Variants in SUMF1 observed in about 807,000 individuals in gnomAD.
SUMF1 encodes sulfatase modifying factor 1.
In SUMF1, 48 loss-of-function variants were observed where a neutral mutation model predicts 47.6. The ratio of observed to expected loss-of-function variants is 1.01; its 90% CI spans 0.80 to 1.28. The LOEUF (loss-of-function observed/expected upper bound fraction) is 1.28, where lower values mean the gene tolerates loss of function less well. SUMF1 is among the 50% of genes most tolerant of loss of function. The pLI is 0.00. For missense variants in SUMF1, 571 were observed against 485.4 expected (o/e 1.18, Z -1.66); for synonymous variants, 230 against 192.1 (o/e 1.20, Z -1.63).
intron 8 of SUMF1, among the ~76,000 whole-genome samples, chr3:4,271,355 A>G (rs1575040349): frequency 6.6e-6 from 1 of 152,124 alleles, no homozygotes; most frequent in African/African-American, 2.4e-5. Flanking sequence ...TTTACCTACC[A>G]AATAAGGAGG....
chr3:4,319,554 G>T (rs545824909), intron 8 of SUMF1, among the ~76,000 whole-genome samples: 1 of 152,246 alleles, frequency 6.6e-6, no homozygotes, highest in East Asian at 2.0e-4. Flanking sequence ...GAGGAACTCA[G>T]ATGAGACAAA....
chr3:4,462,798 T>C (rs554280354), intron 1 of SUMF1, among the ~76,000 whole-genome samples: 2 of 152,358 alleles, frequency 1.3e-5, no homozygotes, highest in South Asian at 2.1e-4. Flanking sequence ...TATCTATCTA[T>C]ACAGGGCTTA....
chr3:4,244,728 T>C (rs1403071917), intron 8 of SUMF1, among the ~76,000 whole-genome samples: 1 of 152,184 alleles, frequency 6.6e-6, no homozygotes, highest in Admixed American at 6.5e-5. Context: ...CTGACAATTA[T>C]GTGTCTTCAG....
At chr3:4,311,620 A>G (rs564561972) in intron 8 of SUMF1, among the ~76,000 whole-genome samples, 3 of 152,340 alleles carry the variant, frequency 2.0e-5, no homozygotes, top group East Asian at 3.9e-4. Context: ...AGGGCAAGCT[A>G]TGTATCTAAT....
At position 4,418,071 on chromosome 3, in the gene SUMF1, C is replaced by G. The variant is rs137917233; in HGVS notation, c.664G>C (p.Gly222Arg). ...TCAGCTTCCGTGGGCAGCCGCTTCC[C>G]TGCCCAAGTGCAGTAGGCAACCGCA... ...NDAVAYCTWA[G>R]KRLPTEAEWE... is the part of the protein sequence containing the mutation. Residue 222 changes from glycine to arginine, a missense_variant, in exon 5 of 9, where the codon GGG (glycine) becomes CGG (arginine). Transcript: ENST00000272902. 2.3e-3 allele frequency: 3,685 copies of G among 1,614,078 alleles called. 3 individuals are homozygous for G. The highest frequency in any genetic ancestry group is 3.3e-3 in the Admixed American group (196 of 60,026).
chr3:4,362,067 C>G lies in SUMF1; in HGVS notation c.*77G>C. 7.2e-7 allele frequency: 1 copy of G among 1,383,250 alleles called. No individual in the cohort carries two copies. The highest frequency in any genetic ancestry group is 1.0e-6 in the Non-Finnish European group (1 of 976,268). 85.7% of individuals were successfully genotyped at this position (1,383,250 alleles called of 1,614,324 possible). On this transcript the variant is annotated 3_prime_UTR_variant, in exon 9 of 9. Transcript: ENST00000272902. ...AGGGTGGGAATTCTTTGCATGGGAT[C>G]GTTCAAAGTTCTGAGAAAAGCCCAA...
At chr3:4,126,137 T>C (rs1373261042) in intron 8 of SUMF1, among the ~76,000 whole-genome samples, 1 of 151,786 alleles carries the variant, frequency 6.6e-6, no homozygotes, top group East Asian at 1.9e-4. Flanking sequence ...TTCTGTTTTG[T>C]GTCTCTTGTG....
chr3:4,184,981 C>T (rs1695171436), intron 8 of SUMF1, among the ~76,000 whole-genome samples: 1 of 152,088 alleles, frequency 6.6e-6, no homozygotes, highest in African/African-American at 2.4e-5. Flanking sequence ...CTCCAAAATG[C>T]TCTGTGTACT....
At chr3:4,252,471 G>A (rs1005417034) in intron 8 of SUMF1, among the ~76,000 whole-genome samples, 7 of 152,006 alleles carry the variant, frequency 4.6e-5, no homozygotes, top group Admixed American at 1.3e-4. Flanking sequence ...TAGATTCACC[G>A]TTTGAGACTG....
chr3:4,268,103 G>T (rs572293530), intron 8 of SUMF1, among the ~76,000 whole-genome samples: 5 of 152,144 alleles, frequency 3.3e-5, no homozygotes, highest in Non-Finnish European at 7.4e-5. Context: ...GGATGAAATT[G>T]GAAATCATCA....
At position 4,376,379 on chromosome 3, in the gene SUMF1, G is replaced by T. The variant is rs1700329261; in HGVS notation, c.965C>A (p.Pro322His). Residue 322 changes from proline (P) to histidine (H), a missense_variant, in exon 8 of 9, where the codon CCT becomes CAT. By Grantham distance (77) the Pro-to-His change is moderately conservative. Transcript: ENST00000272902. ...TTTCTTCACTCGGTCTTTCCCAGAA[G>T]GGGGACCTTTCTACAGATGAAGAAA... ...VEETLNPKGP[P>H]SGKDRVKKGG... The T allele has an allele frequency of 6.2e-7, 1 of 1,614,010 alleles. No homozygotes were observed. The highest frequency in any genetic ancestry group is 8.5e-7 in the Non-Finnish European group (1 of 1,179,988).
rs181138821 is a variant in SUMF1, at chr3:4,143,306, C to G, written c.1015-74561G>C. On this transcript the variant is annotated intron_variant and NMD_transcript_variant, in intron 8 of 12. Coordinates refer to the SUMF1 transcript ENST00000448413. Reference sequence around the variant, plus strand: ...CAGAAAAGTTGGTGCAAATTTCTCCCCATTGTGTACCAGGGATAAGTCAGG... The same window carrying G: ...CAGAAAAGTTGGTGCAAATTTCTCCGCATTGTGTACCAGGGATAAGTCAGG... 1.2e-4 allele frequency among the ~76,000 whole-genome samples: 18 copies of G among 152,202 alleles called. No homozygotes were observed. In the East Asian group the frequency reaches 3.3e-3, roughly 28 times the overall value.
At chr3:4,042,327 G>A (rs911276527) in intron 9 of SUMF1, among the ~76,000 whole-genome samples, 2 of 151,194 alleles carry the variant, frequency 1.3e-5, no homozygotes, top group African/African-American at 4.9e-5. Flanking sequence ...GTTTTTTTTT[G>A]TTTGCTTGTT....
intron 8 of SUMF1, among the ~76,000 whole-genome samples, chr3:4,120,063 G>A (rs1281955450): frequency 6.6e-6 from 1 of 152,118 alleles, no homozygotes; most frequent in African/African-American, 2.4e-5. Flanking sequence ...AGGAGAGAAA[G>A]CTGAGCCAGG....
At chr3:4,368,548 T>C (rs151216143) in intron 8 of SUMF1, among the ~76,000 whole-genome samples, 3,872 of 152,218 alleles carry the variant, frequency 0.025, 73 homozygotes, top group Middle Eastern at 0.044. Context: ...GTATGTTTAT[T>C]GCGGCACTAC....
chr3:4,273,466 CTA>C (rs1697343591), intron 8 of SUMF1, among the ~76,000 whole-genome samples: 2 of 151,924 alleles, frequency 1.3e-5, no homozygotes, highest in African/African-American at 4.8e-5. Context: ...AGAAAAATAT[CTA>C]TAGAAACAGA....
chr3:4,129,421 T>C (rs550685474), intron 8 of SUMF1, among the ~76,000 whole-genome samples: 26 of 152,254 alleles, frequency 1.7e-4, no homozygotes, highest in Middle Eastern at 3.4e-3. Flanking sequence ...ACTGCATTCC[T>C]ACTTAATTTA....
chr3:4,383,501 G>T (rs1559262420), intron 7 of SUMF1, among the ~76,000 whole-genome samples: 1 of 152,210 alleles, frequency 6.6e-6, no homozygotes, highest in Admixed American at 6.5e-5. Flanking sequence ...GGTCGTGGTG[G>T]TGGCACGGGG....
At chr3:4,428,231 A>G (rs1352860761) in intron 3 of SUMF1, among the ~76,000 whole-genome samples, 2 of 152,212 alleles carry the variant, frequency 1.3e-5, no homozygotes, top group African/African-American at 4.8e-5. Context: ...AAATACATCA[A>G]TATATAGAGA....
Sources: allele counts gnomAD v4.1 joint callset (sites outside exome capture counted in the v4.1 genomes callset), GRCh38; gene constraint gnomAD v4.1.1; transcripts MANE v1.5; gene names NCBI Gene and HGNC (gene_info 2026-07-23, HGNC 2026-07-21).